Variants in RASSF4 observed in about 807,000 individuals in gnomAD.
RASSF4 encodes the protein ras association domain-containing protein 4.
A neutral mutation model predicts 41.1 loss-of-function variants in RASSF4; 38 were observed. That is an observed-to-expected ratio of 0.92 (90% CI 0.71 to 1.21). The LOEUF is 1.21. Among genes scored for constraint, RASSF4 ranks in the 50% most tolerant of loss-of-function variants. The pLI is 0.00. For synonymous variants in RASSF4, 179 were observed against 163.4 expected, an observed-to-expected ratio of 1.10 and a Z score of -0.73; for missense variants, 414 against 419.4, an observed-to-expected ratio of 0.99 and a Z score of 0.11.
intron 8 of RASSF4, 110 bp downstream of exon 8, chr10:44,989,831 C>A: frequency 4.1e-6 from 4 of 987,194 alleles, no homozygotes; most frequent in Non-Finnish European, 6.5e-6. Context: ...GGGCTCCGTG[C>A]TGGCTTGCCT....
chr10:44,984,461 G>C (rs1445996057), intron 5 of RASSF4: 2 of 487,270 alleles, frequency 4.1e-6, no homozygotes, highest in Middle Eastern at 5.3e-4. Flanking sequence ...CTCTGTACCT[G>C]CTCACTCATC....
intron 1 of RASSF4, 65 bp from the exon 2 acceptor site, chr10:44,970,100 T>G: frequency 1.1e-6 from 1 of 926,182 alleles, no homozygotes; most frequent in Non-Finnish European, 1.8e-6. Context: ...CTGCGGGTGT[T>G]GGGTGCTGCA....
At chr10:44,985,799 G>A (rs1210672856) in intron 6 of RASSF4, among the ~76,000 whole-genome samples, 3 of 152,324 alleles carry the variant, frequency 2.0e-5, no homozygotes, top group East Asian at 3.9e-4. Context: ...TGGGCAAGCT[G>A]AAGGGACCCT....
chr10:44,977,492 A>G (rs754100232), intron 3 of RASSF4: 12 of 1,613,180 alleles, frequency 7.4e-6, no homozygotes, highest in African/African-American at 4.0e-5. Context: ...AGACTGCCCA[A>G]AAGTCCAGCT....
Position 44,991,977 on chromosome 10 carries a change from AG to A in RASSF4, c.881del (p.Arg294LysfsTer3), listed in dbSNP as rs1349678535. On this transcript the variant is annotated frameshift_variant, in exon 10 of 11. Coordinates refer to ENST00000340258, the MANE Select transcript of RASSF4 (RefSeq NM_032023.4). LOFTEE classifies it high-confidence loss of function. ...FVEKLKEEEEREIIKLTMKFQ... is the reference protein window; with the variant it reads ...FVEKLKEEEEXEIIKLTMKFQ... Reference sequence around the variant, plus strand: ...TGAAAAATTAAAAGAAGAGGAAGAAAGAGAAATAATCAAACTGACCATGAAG... The same window carrying A: ...TGAAAAATTAAAAGAAGAGGAAGAAAAGAAATAATCAAACTGACCATGAAG... 1 of 1,611,692 alleles carries A rather than the reference AG, an allele frequency of 6.2e-7. No individual in the cohort carries two copies. The highest frequency in any genetic ancestry group is 8.5e-7 in the Non-Finnish European group (1 of 1,177,982).
intron 1 of RASSF4, among the ~76,000 whole-genome samples, chr10:44,966,197 G>A (rs1013408842): frequency 1.3e-5 from 2 of 152,108 alleles, no homozygotes; most frequent in Non-Finnish European, 2.9e-5. Context: ...GGCATGCAAC[G>A]AAGCACCCCA....
intron 6 of RASSF4, among the ~76,000 whole-genome samples, chr10:44,985,757 T>C (rs1221451424): frequency 1.3e-5 from 2 of 152,198 alleles, no homozygotes; most frequent in Non-Finnish European, 2.9e-5. Flanking sequence ...TAGGGTGCCC[T>C]GGACTTTGGA....
intron 10 of RASSF4, among the ~76,000 whole-genome samples, chr10:44,992,905 G>A (rs1275907720): frequency 3.3e-5 from 5 of 152,286 alleles, no homozygotes; most frequent in Middle Eastern, 3.4e-3. Context: ...TCCACTCAAC[G>A]TACAGAGTGG....
intron 1 of RASSF4, among the ~76,000 whole-genome samples, chr10:44,963,631 C>A (rs1840793263): frequency 6.6e-6 from 1 of 152,178 alleles, no homozygotes; most frequent in Non-Finnish European, 1.5e-5. Context: ...GCTCAGGCTC[C>A]CAGCTGTGCC....
intron 3 of RASSF4, chr10:44,977,891 A>C (rs775627286): frequency 6.2e-7 from 1 of 1,612,478 alleles, no homozygotes; most frequent in Non-Finnish European, 8.5e-7. Flanking sequence ...GGGCTGTGCC[A>C]GTCGAGATAT....
chr10:44,988,086 GAGAGGTTCACCTGC>G (rs1841984904), intron 6 of RASSF4, among the ~76,000 whole-genome samples: 1 of 152,172 alleles, frequency 6.6e-6, no homozygotes, highest in Non-Finnish European at 1.5e-5. Flanking sequence ...GAAAAGCAAG[GAGAGGTTCACCTGC>G]AGAGGAGTCA....
chr10:44,973,804 G>A (rs1841282843), intron 3 of RASSF4, among the ~76,000 whole-genome samples: 1 of 152,240 alleles, frequency 6.6e-6, no homozygotes. Context: ...GTGTGTTGGT[G>A]TATGCTGCGG....
intron 3 of RASSF4, chr10:44,978,005 A>G: frequency 5.6e-6 from 9 of 1,611,206 alleles, no homozygotes; most frequent in Non-Finnish European, 7.6e-6. Context: ...CAGATGGGCC[A>G]CGGAGAGCAG....
Position 44,994,417 on chromosome 10 carries a change from CCGTGGATGGCAGATTTAAAGGGAAGAA to C in RASSF4, c.*1090_*1116del, listed in dbSNP as rs1842226818. 6.6e-6 allele frequency: 1 copy of C among 152,644 alleles called. No homozygotes were observed. Among genetic ancestry groups the C allele is most frequent in the Admixed American group, 6.5e-5 (1 of 15,284 alleles). 9.5% of individuals were successfully genotyped at this position (152,644 alleles called of 1,614,324 possible). ...GACCAAATTATTCTCCTGTTGAGGT[CCGTGGATGGCAGATTTAAAGGGAAGAA>C]CCACAAAGGCTTGCAAAGATAGGAG... On this transcript the variant is annotated 3_prime_UTR_variant, in exon 11 of 11. Transcript: ENST00000340258.
intron 3 of RASSF4, chr10:44,978,168 T>C (rs953768566): frequency 4.0e-6 from 4 of 1,003,430 alleles, no homozygotes; most frequent in East Asian, 2.6e-5. Context: ...TGAGAGCAAT[T>C]TGAAGTCTAC....
At chr10:44,985,190 A>G (rs1343779377) in intron 6 of RASSF4, among the ~76,000 whole-genome samples, 2 of 152,238 alleles carry the variant, frequency 1.3e-5, no homozygotes, top group Non-Finnish European at 2.9e-5. Context: ...AATTCTGGCA[A>G]GTAAGCTGGG....
rs115281902 is a variant in RASSF4 at position 44,991,631 on chromosome 10, C to T, written c.808-274C>T. The stretch of plus-strand genomic sequence containing the variant: ...TCCCTACCCCCTAGCCCAGAGGGCA[C>T]CCAATGTGACAATGCTGCTGTACTG... On this transcript the variant is annotated intron_variant, in intron 9 of 10. Transcript: ENST00000340258. Among the ~76,000 whole-genome samples the T allele has an allele frequency of 5.0e-3, 765 of 152,320 alleles. 8 individuals carry two copies. Among genetic ancestry groups the T allele is most frequent in the African/African-American group, 0.017 (712 of 41,568 alleles).
At chr10:44,989,528 C>T in intron 7 of RASSF4, 142 bp from the exon 8 acceptor site, 1 of 973,300 alleles carries the variant, frequency 1.0e-6, no homozygotes, top group Non-Finnish European at 1.6e-6. Flanking sequence ...TCTCGGATTT[C>T]AAGCAAGAGG....
intron 3 of RASSF4, chr10:44,976,139 C>G (rs1352721946): frequency 1.3e-5 from 2 of 152,122 alleles, no homozygotes; most frequent in Admixed American, 6.5e-5. Context: ...GTGACAGATA[C>G]AAACATTTGT....
Sources: allele counts gnomAD v4.1 joint callset (sites outside exome capture counted in the v4.1 genomes callset), GRCh38; gene constraint gnomAD v4.1.1; transcripts MANE v1.5; gene names NCBI Gene and HGNC (gene_info 2026-07-23, HGNC 2026-07-21).